The following HNRNPR variants were observed in gnomAD, a reference collection of about 807,000 sequenced individuals.
HNRNPR encodes heterogeneous nuclear ribonucleoprotein R.
In HNRNPR, 4 loss-of-function variants were observed where a neutral mutation model predicts 70.3. The observed-to-expected ratio is 0.06, with a 90% CI of 0.03 to 0.13. The LOEUF (loss-of-function observed/expected upper bound fraction) is 0.13, where lower values mean the gene tolerates loss of function less well. Ranked by LOEUF, HNRNPR falls within the 10% of genes least tolerant of loss-of-function variation. The probability of loss-of-function intolerance (pLI) is 1.00; values close to 1 mark genes in which losing one functional copy is unlikely to be tolerated. For missense variants in HNRNPR, 423 were observed against 788.5 expected, an observed-to-expected ratio of 0.54 and a Z score of 5.55; for synonymous variants, 241 against 267.6, an observed-to-expected ratio of 0.90 and a Z score of 0.97.
In HNRNPR at chr1:23,311,153, T is replaced by C. The variant is rs749473378; in HGVS notation, c.1289+48A>G. On this transcript the variant is annotated intron_variant, in intron 10 of 10. Transcript: ENST00000302271. ...TGTTTTATTAATCTGATCTCCATTA[T>C]CACGTTATTCCTTGTCCAAAGATAT... The C allele has an allele frequency of 6.8e-6, 11 of 1,611,088 alleles. No individual in the cohort carries two copies. The East Asian group carries it at 2.5e-4, about 36-fold the overall frequency.
rs763813502 is a variant in HNRNPR, at chr1:23,338,627, G to A, written c.158-19C>T. 3.1e-6 allele frequency: 4 copies of A among 1,307,990 alleles called. No individual in the cohort carries two copies. Among genetic ancestry groups the A allele is most frequent in the Non-Finnish European group, 4.3e-6 (4 of 921,732 alleles). 81.0% of individuals were successfully genotyped at this position (1,307,990 alleles called of 1,614,324 possible). A position where few individuals can be genotyped will look rare whatever the true frequency, so the allele number is the denominator to read the frequency against. On this transcript the variant is annotated intron_variant, in intron 2 of 10. Transcript: ENST00000302271. ...ACCAATCCTAAAAATTAAATTGAAAGGGGTAACGTTATTGCAACAAAAGGG... is the reference window on the plus strand; with the variant it reads ...ACCAATCCTAAAAATTAAATTGAAAAGGGTAACGTTATTGCAACAAAAGGG...
chr1:23,318,734 A>C lies in HNRNPR; in HGVS notation c.812-46T>G. ...TATATAAGCCAAAAGCATCCACCAC[A>C]CATCTAGCGATTAGGCAGACCTAAA... is the stretch of plus-strand genomic sequence containing the variant. On this transcript the variant is annotated intron_variant, in intron 7 of 10. Coordinates refer to ENST00000302271, the MANE Select transcript of HNRNPR (RefSeq NM_005826.5). This position sits in a 1 kb window ranked among gnomAD's most constrained non-coding sequence, Gnocchi z 4.2. The C allele has an allele frequency of 1.3e-6, 2 of 1,584,340 alleles. No homozygotes were observed. The highest frequency in any genetic ancestry group is 1.7e-6 in the Non-Finnish European group (2 of 1,156,858).
At chr1:23,324,038 C>T (rs1473775809) in intron 5 of HNRNPR, among the ~76,000 whole-genome samples, 2 of 151,926 alleles carry the variant, frequency 1.3e-5, no homozygotes, top group Non-Finnish European at 2.9e-5. Context: ...GGAGGCTGGA[C>T]GCAGCAGCTC....
Position 23,333,639 on chromosome 1 carries a change from T to C in HNRNPR, c.385-8A>G, listed in dbSNP as rs530480816. ...AGTTCTCTCAAGCAAGGCCTAGAGATAATTATACATCTCTTTATACTTGAG... is the reference window on the plus strand; with the variant it reads ...AGTTCTCTCAAGCAAGGCCTAGAGACAATTATACATCTCTTTATACTTGAG... On this transcript the variant is annotated splice_polypyrimidine_tract_variant and splice_region_variant and intron_variant, in intron 4 of 10. Coordinates refer to ENST00000302271, the MANE Select transcript of HNRNPR (RefSeq NM_005826.5). 41 of 1,461,782 alleles carry C rather than the reference T, an allele frequency of 2.8e-5. No individual in the cohort carries two copies. In the Middle Eastern group the frequency reaches 5.2e-4, roughly 19 times the overall value. The allele number at this position is 1,461,782 out of a possible 1,614,324, so 90.6% of individuals were successfully genotyped here. A position where few individuals can be genotyped will look rare whatever the true frequency, so the allele number is the denominator to read the frequency against.
rs747651413 is a variant in HNRNPR, at chr1:23,321,541, G to A, written c.798C>T (p.Phe266=). The change falls in exon 7 of 11, where the codon TTC becomes TTT. Residue 266 remains phenylalanine, a synonymous_variant. Coordinates refer to ENST00000302271, the MANE Select transcript of HNRNPR (RefSeq NM_005826.5). The stretch of plus-strand genomic sequence containing the variant: ...TTTTTGTTTTACCTGTGACTTTACT[G>A]AATTCTTCCAAAATGTTTTCTTTAG... ...NKTKENILEE[F]SKVTEGLVDV... is the part of the protein sequence containing the mutation. 3 of 1,612,070 alleles carry A rather than the reference G, an allele frequency of 1.9e-6. No individual in the cohort carries two copies. The East Asian group carries it at 6.7e-5, about 36-fold the overall frequency.
At position 23,305,907 on chromosome 1, in the gene HNRNPR, T is replaced by TTA. The variant is rs1645196032; in HGVS notation, c.*4546_*4547insTA. 6.6e-6 allele frequency: 1 copy of TTA among 152,226 alleles called. No homozygotes were observed. Among genetic ancestry groups the TTA allele is most frequent in the Admixed American group, 6.5e-5 (1 of 15,280 alleles). The allele number at this position is 152,226 out of a possible 1,614,324, so 9.4% of individuals were successfully genotyped here. A position where few individuals can be genotyped will look rare whatever the true frequency, so the allele number is the denominator to read the frequency against. ...CCATTATTGTCAAACTGCTAAAACT[T>TTA]TTTAAAGTTTCATTTTACAGTGTTA... On this transcript the variant is annotated 3_prime_UTR_variant, in exon 11 of 11. Transcript: ENST00000302271.
In HNRNPR at chr1:23,338,588, G is replaced by A. The variant is rs773003007; in HGVS notation, c.178C>T (p.Leu60Phe). Residue 60 changes from leucine (L) to phenylalanine (F), a missense_variant, in exon 3 of 11, where the codon CTT becomes TTT. Leu to Phe is a conservative substitution (Grantham distance 22). Transcript: ENST00000302271. ...AGAGCATCAATTGCTCTTTCATCAA[G>A]ATCGACATAAGCTACCAATCCTAAA... ...FQTGLVAYVD[L>F]DERAIDALRE... 3.1e-6 allele frequency: 5 copies of A among 1,588,986 alleles called. No homozygotes were observed. The highest frequency in any genetic ancestry group is 4.3e-6 in the Non-Finnish European group (5 of 1,164,964).
rs1645753670 is a variant in HNRNPR at position 23,321,390 on chromosome 1, A to C, written c.811+138T>G. 6.2e-6 allele frequency: 4 copies of C among 649,590 alleles called. No homozygotes were observed. The South Asian group carries it at 9.6e-5, about 16-fold the overall frequency. The allele number at this position is 649,590 out of a possible 1,614,324, so 40.2% of individuals were successfully genotyped here. On this transcript the variant is annotated intron_variant, in intron 7 of 10. Transcript: ENST00000302271. ...AACTTGCTTAAACCCAAACCACTAT[A>C]AAGCAGAAAGGAAGCAATTTAGATA...
At chr1:23,325,088 C>T (rs1002272705) in intron 5 of HNRNPR, among the ~76,000 whole-genome samples, 6 of 151,642 alleles carry the variant, frequency 4.0e-5, no homozygotes, top group African/African-American at 9.7e-5. Flanking sequence ...TGCAGGGAGC[C>T]GAGATCGCGC....
Position 23,310,270 on chromosome 1 carries a change from A to G in HNRNPR, c.*184T>C. 1 of 555,176 alleles carries G rather than the reference A, an allele frequency of 1.8e-6. No homozygotes were observed. Among genetic ancestry groups the G allele is most frequent in the Non-Finnish European group, 3.1e-6 (1 of 323,714 alleles). 34.4% of individuals were successfully genotyped at this position (555,176 alleles called of 1,614,324 possible). On this transcript the variant is annotated 3_prime_UTR_variant, in exon 11 of 11. Coordinates refer to ENST00000302271, the MANE Select transcript of HNRNPR (RefSeq NM_005826.5). The surrounding 1 kb of genome is among the most constrained non-coding windows in gnomAD (Gnocchi z 6.0). ...TGCAAGCCCAATAATGTCCAAGAGC[A>G]TTTATGAAAAGAGGAAAAATAAAAA...
At chr1:23,325,758 C>A (rs975400674) in intron 5 of HNRNPR, among the ~76,000 whole-genome samples, 6 of 152,200 alleles carry the variant, frequency 3.9e-5, no homozygotes, top group Admixed American at 3.9e-4. Flanking sequence ...TACCATCCTT[C>A]CCTTCCCACT....
chr1:23,314,043 T>C (rs536342590), intron 8 of HNRNPR, among the ~76,000 whole-genome samples: 1 of 151,960 alleles, frequency 6.6e-6, no homozygotes, highest in Non-Finnish European at 1.5e-5. Flanking sequence ...TGAGTAACTT[T>C]CAAAAGTTCA....
At position 23,321,163 on chromosome 1, in the gene HNRNPR, C is replaced by CAAAAAAAAAAAAAAAAAAAAAA. The variant is rs58123581; in HGVS notation, c.811+364_811+365insTTTTTTTTTTTTTTTTTTTTTT. Among the ~76,000 whole-genome samples the CAAAAAAAAAAAAAAAAAAAAAA allele has an allele frequency of 6.5e-4, 64 of 98,130 alleles. 4 individuals carry two copies. Among genetic ancestry groups the CAAAAAAAAAAAAAAAAAAAAAA allele is most frequent in the African/African-American group, 2.9e-3 (63 of 22,092 alleles). 64.4% of individuals were successfully genotyped at this position (98,130 alleles called of 152,430 possible). A position where few individuals can be genotyped will look rare whatever the true frequency, so the allele number is the denominator to read the frequency against. On this transcript the variant is annotated intron_variant, in intron 7 of 10. Transcript: ENST00000302271. ...AGGCAACAAGAGCGAAACTCCGTCT[C>CAAAAAAAAAAAAAAAAAAAAAA]AAAAAAAAAAAAAATCTGATCTAGA...
At chr1:23,317,877 G>C (rs1173704731) in intron 8 of HNRNPR, among the ~76,000 whole-genome samples, 1 of 151,978 alleles carries the variant, frequency 6.6e-6, no homozygotes, top group Non-Finnish European at 1.5e-5. Flanking sequence ...CTACTTGGGA[G>C]GCTGAGGAAG....
chr1:23,325,132 T>C (rs1463849635), intron 5 of HNRNPR, among the ~76,000 whole-genome samples: 1 of 151,376 alleles, frequency 6.6e-6, no homozygotes, highest in African/African-American at 2.4e-5. Context: ...AGAGGGAGAC[T>C]CCATCTCAAA....
In HNRNPR at chr1:23,307,319, G is replaced by A. The variant is rs1645217465; in HGVS notation, c.*3135C>T. The A allele has an allele frequency of 3.3e-5, 5 of 152,110 alleles. No homozygotes were observed. In the South Asian group the frequency reaches 1.0e-3, roughly 32 times the overall value. The allele number at this position is 152,110 out of a possible 1,614,324, so 9.4% of individuals were successfully genotyped here. A position where few individuals can be genotyped will look rare whatever the true frequency, so the allele number is the denominator to read the frequency against. Reference sequence around the variant, plus strand: ...TATTATATGGCTTTATGCTAGGAGTGAAATTTTATGTCCCTTCTCTTTTAG... The same window carrying A: ...TATTATATGGCTTTATGCTAGGAGTAAAATTTTATGTCCCTTCTCTTTTAG... On this transcript the variant is annotated 3_prime_UTR_variant, in exon 11 of 11. Coordinates refer to ENST00000302271, the MANE Select transcript of HNRNPR (RefSeq NM_005826.5).
At chr1:23,327,484 T>A (rs376068355) in intron 5 of HNRNPR, among the ~76,000 whole-genome samples, 17 of 152,008 alleles carry the variant, frequency 1.1e-4, no homozygotes, top group African/African-American at 4.1e-4. Context: ...AGTCAGGAGT[T>A]TGAGACCAGC....
intron 6 of HNRNPR, among the ~76,000 whole-genome samples, chr1:23,322,504 G>A (rs1205960529): frequency 6.6e-6 from 1 of 152,146 alleles, no homozygotes; most frequent in Admixed American, 6.6e-5. Flanking sequence ...CCAAAGTGCT[G>A]GGATTACAGG....
Position 23,305,713 on chromosome 1 carries a change from A to T in HNRNPR, c.*4741T>A. 1 of 152,060 alleles carries T rather than the reference A, an allele frequency of 6.6e-6. No individual in the cohort carries two copies. 9.4% of individuals were successfully genotyped at this position (152,060 alleles called of 1,614,324 possible). A position where few individuals can be genotyped will look rare whatever the true frequency, so the allele number is the denominator to read the frequency against. ...ATCTTTAGCAATAATTTAAATATTG[A>T]CTCTTAATTCTACCAATATCTGCTA... On this transcript the variant is annotated 3_prime_UTR_variant, in exon 11 of 11. Coordinates refer to ENST00000302271, the MANE Select transcript of HNRNPR (RefSeq NM_005826.5).
Sources: gnomAD v4.1 joint callset for allele counts (sites outside exome capture counted in the v4.1 genomes callset) on GRCh38, gnomAD v4.1.1 for gene constraint, Gnocchi (gnomAD v3.1) non-coding constraint, MANE v1.5 for transcripts, NCBI Gene and HGNC (gene_info 2026-07-23, HGNC 2026-07-21) for gene names.